SYNE3: variants seen among roughly 807,000 people sequenced by gnomAD.
SYNE3 encodes the protein spectrin repeat containing nuclear envelope family member 3.
A neutral mutation model predicts 111.2 loss-of-function variants in SYNE3; 100 were observed. The observed-to-expected ratio is 0.90, with a 90% CI of 0.77 to 1.06. The LOEUF (loss-of-function observed/expected upper bound fraction) is 1.06. Among genes scored for constraint, SYNE3 ranks in the 50% least tolerant of loss-of-function variants. The pLI is 0.00. For synonymous variants in SYNE3, 547 were observed against 533.9 expected (o/e 1.02, Z -0.34); for missense variants, 1,160 against 1,240.3 (o/e 0.94, Z 0.97).
chr14:95,458,731 T>C (rs1887613786), intron 4 of SYNE3, among the ~76,000 whole-genome samples: 2 of 152,212 alleles, frequency 1.3e-5, no homozygotes, highest in Admixed American at 1.3e-4. Context: ...GCTGCCCCTG[T>C]TATTTCATCT....
At chr14:95,438,970 C>G in intron 14 of SYNE3, 63 bp downstream of exon 14, 1 of 1,604,360 alleles carries the variant, frequency 6.2e-7, no homozygotes, top group Non-Finnish European at 8.5e-7. Flanking sequence ...TGCTGGAGAC[C>G]CCTACCCACC....
chr14:95,466,274 A>T, intron 3 of SYNE3, 34 bp from the exon 4 acceptor site: 1 of 1,528,404 alleles, frequency 6.5e-7, no homozygotes, highest in Non-Finnish European at 8.8e-7. Flanking sequence ...TTGTGAGGGA[A>T]CCAGCCACCT....
At position 95,485,427 on chromosome 14, in the gene SYNE3, G is replaced by A. The variant is rs565403237; in HGVS notation, c.-14-9592C>T. Among the ~76,000 whole-genome samples, 3 of 152,252 alleles carry A rather than the reference G, an allele frequency of 2.0e-5. No homozygotes were observed. The South Asian group carries it at 6.2e-4, about 32-fold the overall frequency. ...CAATAGACCTGAGGCATTCACTTGA[G>A]AGTGAGAACGCACACATTCCTCAGA... On this transcript the variant is annotated intron_variant, in intron 1 of 17. Coordinates refer to ENST00000682763, the MANE Select transcript of SYNE3 (RefSeq NM_152592.6). The surrounding 1 kb of genome is among the most constrained non-coding windows in gnomAD (Gnocchi z 4.3).
At chr14:95,466,791 G>C (rs1383323285) in intron 3 of SYNE3, among the ~76,000 whole-genome samples, 1 of 152,244 alleles carries the variant, frequency 6.6e-6, no homozygotes, top group Non-Finnish European at 1.5e-5. Flanking sequence ...TCCCCAGCCT[G>C]TCTCCCTGGG....
chr14:95,408,543 C>T lies in SYNE3; in HGVS notation c.*9283G>A, dbSNP rs951652101. ...AACTCTGGACTTTGGGTAAAACGTC[C>T]TGAGCCCGATGTGGTCTCCCTGGCT... On this transcript the variant is annotated 3_prime_UTR_variant, in exon 18 of 18. Transcript: ENST00000682763. 2.6e-5 allele frequency: 4 copies of T among 153,584 alleles called. No homozygotes were observed. The highest frequency in any genetic ancestry group is 9.7e-5 in the African/African-American group (4 of 41,434). 9.5% of individuals were successfully genotyped at this position (153,584 alleles called of 1,614,324 possible). A position where few individuals can be genotyped will look rare whatever the true frequency, so the allele number is the denominator to read the frequency against.
rs371488280 is a variant in SYNE3, at chr14:95,418,030, C to T, written c.2728-4G>A. The T allele has an allele frequency of 2.8e-5, 45 of 1,607,392 alleles. No homozygotes were observed. The highest frequency in any genetic ancestry group is 3.6e-5 in the Non-Finnish European group (43 of 1,179,792). ...CCAGTCCTCGCCACCGCCGAGTCTGCGGAACCAACACAGCACAGGTGAGTG... is the reference window on the plus strand; with the variant it reads ...CCAGTCCTCGCCACCGCCGAGTCTGTGGAACCAACACAGCACAGGTGAGTG... On this transcript the variant is annotated splice_polypyrimidine_tract_variant and splice_region_variant and intron_variant, in intron 17 of 17. Transcript: ENST00000682763.
chr14:95,467,674 T>TA (rs1252268600), intron 3 of SYNE3, 121 bp downstream of exon 3: 1 of 1,235,498 alleles, frequency 8.1e-7, no homozygotes. Context: ...CCCAAGAGAA[T>TA]ATCCTGTCCC....
chr14:95,460,261 A>G (rs963040759), intron 4 of SYNE3, among the ~76,000 whole-genome samples: 8 of 150,794 alleles, frequency 5.3e-5, no homozygotes, highest in African/African-American at 1.9e-4. Flanking sequence ...CTGGAGTACA[A>G]TGGCCTGATC....
At position 95,475,716 on chromosome 14, in the gene SYNE3, G is replaced by A. The variant is rs748312825; in HGVS notation, c.106C>T (p.Pro36Ser). ...QLQVNDNTQGPRAALEARLWE... is the reference protein window; with the variant it reads ...QLQVNDNTQGSRAALEARLWE... ...AGCCTGGCCTCCAGGGCCGCGCGGG[G>A]TCCCTGCGTGTTGTCATTGACCTGC... The change falls in exon 2 of 18, where the codon CCC becomes TCC. Residue 36 changes from proline (P) to serine (S), a missense_variant. Transcript: ENST00000682763. The A allele has an allele frequency of 1.9e-6, 3 of 1,602,852 alleles. No homozygotes were observed. Among genetic ancestry groups the A allele is most frequent in the Admixed American group, 3.4e-5 (2 of 58,336 alleles).
At chr14:95,448,469 T>C (rs530330370) in intron 8 of SYNE3, among the ~76,000 whole-genome samples, 1 of 152,182 alleles carries the variant, frequency 6.6e-6, no homozygotes, top group Non-Finnish European at 1.5e-5. Flanking sequence ...GGCAGCTCAC[T>C]TGAGGTCAGG....
chr14:95,440,410 G>T (rs982447256), intron 11 of SYNE3, among the ~76,000 whole-genome samples: 3 of 152,214 alleles, frequency 2.0e-5, no homozygotes, highest in African/African-American at 7.2e-5. Context: ...TACCCAAATG[G>T]AACGTGGCTG....
rs545125363 is a variant in SYNE3, at chr14:95,514,635, G to A, written c.-15+1961C>T. ...CGTGCTATGGTTAGCCCCTTTCCAC[G>A]GGGAAGGACGCTGAAGCTCTGAAAG... On this transcript the variant is annotated intron_variant, in intron 1 of 17. Coordinates refer to ENST00000682763, the MANE Select transcript of SYNE3 (RefSeq NM_152592.6). Among the ~76,000 whole-genome samples the A allele has an allele frequency of 1.4e-4, 21 of 152,354 alleles. No homozygotes were observed. The East Asian group carries it at 2.9e-3, about 21-fold the overall frequency.
In SYNE3 at chr14:95,466,103, T is replaced by A. The variant is rs1316950085; in HGVS notation, c.455A>T (p.Gln152Leu). ...CAGCAGCACCTGGGCGTGGCTCAGC[T>A]GCCACTGCTTCTCCTTCAGGCCCAG... is the stretch of plus-strand genomic sequence containing the variant. Reference protein sequence around the residue: ...LQLGLKEKQWQLSHAQVLLHN... With the variant: ...LQLGLKEKQWLLSHAQVLLHN... Residue 152 changes from glutamine (Q) to leucine (L), a missense_variant, in exon 4 of 18, where the codon CAG becomes CTG. Physicochemically the swap from Gln to Leu is moderately radical, Grantham distance 113 (BLOSUM62 -2). Coordinates refer to ENST00000682763, the MANE Select transcript of SYNE3 (RefSeq NM_152592.6). The A allele has an allele frequency of 1.2e-6, 2 of 1,612,936 alleles. No homozygotes were observed. Among genetic ancestry groups the A allele is most frequent in the African/African-American group, 2.7e-5 (2 of 74,922 alleles).
chr14:95,469,691 C>T (rs1401787015), intron 2 of SYNE3, among the ~76,000 whole-genome samples: 3 of 151,118 alleles, frequency 2.0e-5, no homozygotes, highest in South Asian at 2.1e-4. Flanking sequence ...AGCCTGGGTG[C>T]CACAGCGAGA....
Position 95,466,062 on chromosome 14 carries a change from G to T in SYNE3, c.496C>A (p.Gln166Lys), listed in dbSNP as rs753113013. Residue 166 changes from glutamine to lysine, a missense_variant, in exon 4 of 18, where the codon CAG becomes AAG. Gln to Lys is a moderately conservative substitution (Grantham distance 53). Transcript: ENST00000682763. ...AGCAGCCGGTCCAGGAGCACCGCCT[G>T]GTTGTCCACGTTGTGCAGCAGCACC... ...AQVLLHNVDN[Q>K]AVLLDRLLEE... 3 of 1,613,538 alleles carry T rather than the reference G, an allele frequency of 1.9e-6. No individual in the cohort carries two copies. Among genetic ancestry groups the T allele is most frequent in the Non-Finnish European group, 2.5e-6 (3 of 1,179,490 alleles).
Position 95,455,443 on chromosome 14 carries a change from C to A in SYNE3, c.1071G>T (p.Glu357Asp). Residue 357 changes from glutamate (E) to aspartate (D), a missense_variant, in exon 6 of 18, where the codon GAG becomes GAT. Physicochemically the swap from Glu to Asp is conservative, Grantham distance 45. Transcript: ENST00000682763. ...CCGCTTTCGCCGCAGGCTGCAGGCC[C>A]TCCTGGGCCAGCCTCTGCAGGACCA... ...FRMVLQRLAQ[E>D]GLQPAAKAGT... The A allele has an allele frequency of 6.2e-7, 1 of 1,603,996 alleles. No individual in the cohort carries two copies. The highest frequency in any genetic ancestry group is 8.5e-7 in the Non-Finnish European group (1 of 1,175,262).
At position 95,444,718 on chromosome 14, in the gene SYNE3, C is replaced by T. The variant is rs974823687; in HGVS notation, c.1633-90G>A. 65 of 1,446,696 alleles carry T rather than the reference C, an allele frequency of 4.5e-5. 1 individual carries two copies. In the Admixed American group the frequency reaches 1.4e-3, roughly 31 times the overall value. The allele number at this position is 1,446,696 out of a possible 1,614,324, so 89.6% of individuals were successfully genotyped here. ...CGACCCGTTCAGCCAGGCTGCTCTT[C>T]GTCTCGGCCAGCTCATGCTCATTCA... On this transcript the variant is annotated intron_variant, in intron 9 of 17. Coordinates refer to ENST00000682763, the MANE Select transcript of SYNE3 (RefSeq NM_152592.6).
chr14:95,437,174 C>CT (rs1325351408), intron 14 of SYNE3, among the ~76,000 whole-genome samples, 193 bp from the exon 15 acceptor site: 1 of 152,372 alleles, frequency 6.6e-6, no homozygotes, highest in South Asian at 2.1e-4. Flanking sequence ...ACATTCCTCA[C>CT]TGTCCCCTTT....
chr14:95,504,260 C>T (rs1454055513), intron 1 of SYNE3, among the ~76,000 whole-genome samples: 1 of 149,300 alleles, frequency 6.7e-6, no homozygotes, highest in Non-Finnish European at 1.5e-5. Flanking sequence ...TTACATATTT[C>T]CTTTCTGGCC....
Sources: gnomAD v4.1 joint callset for allele counts (sites outside exome capture counted in the v4.1 genomes callset) on GRCh38, gnomAD v4.1.1 for gene constraint, Gnocchi (gnomAD v3.1) non-coding constraint, MANE v1.5 for transcripts, NCBI Gene and HGNC (gene_info 2026-07-23, HGNC 2026-07-21) for gene names.